The following ANKRD28 variants were observed in gnomAD, a reference collection of about 807,000 sequenced individuals.
ANKRD28 encodes the protein ankyrin repeat domain 28.
A neutral mutation model predicts 126.5 loss-of-function variants in ANKRD28; 44 were observed. The ratio of observed to expected loss-of-function variants is 0.35; its 90% CI spans 0.27 to 0.45. The LOEUF (loss-of-function observed/expected upper bound fraction) is 0.45. ANKRD28 is among the 20% of genes least tolerant of loss of function. The pLI, the probability that ANKRD28 is intolerant of heterozygous loss-of-function variation, is 1.00. For synonymous variants in ANKRD28, 442 were observed against 468.5 expected (o/e 0.94, Z 0.73); for missense variants, 1,110 against 1,316.6 (o/e 0.84, Z 2.43).
chr3:15,755,834 C>T (rs2058125127), intron 3 of ANKRD28, among the ~76,000 whole-genome samples: 1 of 152,148 alleles, frequency 6.6e-6, no homozygotes, highest in African/African-American at 2.4e-5. Context: ...ATTTCCTACT[C>T]ATTAAGACAG....
chr3:15,762,219 CA>C (rs1553624317), intron 3 of ANKRD28, among the ~76,000 whole-genome samples: 36 of 37,888 alleles, frequency 9.5e-4, no homozygotes, highest in Non-Finnish European at 1.7e-3. Context: ...AAAAACAAAA[CA>C]AAAAAAAAAA....
chr3:15,731,479 C>T (rs1253908388), intron 6 of ANKRD28, among the ~76,000 whole-genome samples: 2 of 152,138 alleles, frequency 1.3e-5, no homozygotes, highest in Admixed American at 6.5e-5. Context: ...TGAAAAACTA[C>T]AGGCTGTGAG....
chr3:15,783,383 T>C (rs1191763470), intron 2 of ANKRD28, among the ~76,000 whole-genome samples: 4 of 152,170 alleles, frequency 2.6e-5, no homozygotes, highest in African/African-American at 9.6e-5. Flanking sequence ...GAAATATTTG[T>C]GAGAATGTTG....
chr3:15,858,519 C>G (rs1281739836), intron 1 of ANKRD28, among the ~76,000 whole-genome samples: 3 of 152,172 alleles, frequency 2.0e-5, no homozygotes, highest in Admixed American at 2.0e-4. Flanking sequence ...CCAAAACATC[C>G]AAGTTATTTT....
intron 2 of ANKRD28, among the ~76,000 whole-genome samples, chr3:15,767,043 G>C (rs2058771920): frequency 6.6e-6 from 1 of 152,124 alleles, no homozygotes; most frequent in South Asian, 2.1e-4. Context: ...GCAATTTTAA[G>C]TTTTTTCTTA....
chr3:15,747,614 A>C (rs1219475121), intron 4 of ANKRD28, among the ~76,000 whole-genome samples: 2 of 152,180 alleles, frequency 1.3e-5, no homozygotes, highest in East Asian at 1.9e-4. Context: ...GTGGCCTATC[A>C]TATGGTCTAT....
chr3:15,799,884 A>C (rs558262088), upstream of ANKRD28, among the ~76,000 whole-genome samples: 2 of 152,080 alleles, frequency 1.3e-5, no homozygotes, highest in Non-Finnish European at 2.9e-5. Context: ...CATTGAAATG[A>C]ATTCTGTCGT....
At chr3:15,857,903 C>T (rs2061809386) in intron 1 of ANKRD28, among the ~76,000 whole-genome samples, 1 of 152,210 alleles carries the variant, frequency 6.6e-6, no homozygotes, top group Admixed American at 6.5e-5. Flanking sequence ...ACAATGGAAG[C>T]ACAAAGTGCC....
chr3:15,755,367 C>G (rs985696853), intron 3 of ANKRD28, among the ~76,000 whole-genome samples: 1 of 152,138 alleles, frequency 6.6e-6, no homozygotes, highest in Non-Finnish European at 1.5e-5. Flanking sequence ...GGCTGTGTTC[C>G]TGTAAAATGA....
intron 14 of ANKRD28, among the ~76,000 whole-genome samples, chr3:15,704,485 T>C (rs547672511): frequency 1.2e-4 from 19 of 152,286 alleles, no homozygotes; most frequent in African/African-American, 4.6e-4. Context: ...GAAACTGTGA[T>C]GCTGACAGGG....
intron 1 of ANKRD28, among the ~76,000 whole-genome samples, chr3:15,851,326 G>A (rs1467143526): frequency 1.3e-5 from 2 of 151,920 alleles, no homozygotes; most frequent in African/African-American, 2.4e-5. Context: ...CACATGGCTT[G>A]AACTCGTAAG....
intron 1 of ANKRD28, among the ~76,000 whole-genome samples, chr3:15,857,012 T>C (rs924521079): frequency 6.6e-6 from 1 of 152,242 alleles, no homozygotes; most frequent in African/African-American, 2.4e-5. Context: ...ATCTTCTTCA[T>C]TACTCCAAAC....
intron 4 of ANKRD28, among the ~76,000 whole-genome samples, chr3:15,742,078 G>C (rs1005462050): frequency 1.3e-5 from 2 of 152,144 alleles, no homozygotes; most frequent in African/African-American, 4.8e-5. Flanking sequence ...GCGTGATCTC[G>C]GCTCGCTACA....
rs141463468 is a variant in ANKRD28 at position 15,844,359 on chromosome 3, T to G, written c.27+15018A>C. 5.3e-5 allele frequency among the ~76,000 whole-genome samples: 8 copies of G among 151,960 alleles called. No homozygotes were observed. The East Asian group carries it at 1.4e-3, about 26-fold the overall frequency. ...TGTGGCGAAAGGGAACCAAACAGAT[T>G]AGATGAAGTAGGTTCCAATACAGCA... On this transcript the variant is annotated intron_variant, in intron 1 of 27. Coordinates refer to the ANKRD28 transcript ENST00000399451.
intron 1 of ANKRD28, 87 bp downstream of exon 1, chr3:15,796,318 T>C (rs1329145184): frequency 5.0e-6 from 4 of 801,158 alleles, no homozygotes; most frequent in East Asian, 7.8e-5. Context: ...AAAGAAACTA[T>C]TGGAAATTTA....
At chr3:15,706,314 C>A (rs1385478150) in intron 14 of ANKRD28, among the ~76,000 whole-genome samples, 3 of 151,614 alleles carry the variant, frequency 2.0e-5, no homozygotes, top group Non-Finnish European at 4.4e-5. Context: ...TTGTTCAATT[C>A]TCACCTATGA....
chr3:15,772,756 G>A (rs1249569301), intron 2 of ANKRD28, among the ~76,000 whole-genome samples: 9 of 152,046 alleles, frequency 5.9e-5, no homozygotes, highest in African/African-American at 1.9e-4. Context: ...GCGCGATCTC[G>A]GCTCACTGCA....
At chr3:15,764,774 A>G (rs1363902093) in intron 3 of ANKRD28, among the ~76,000 whole-genome samples, 1 of 152,152 alleles carries the variant, frequency 6.6e-6, no homozygotes, top group Non-Finnish European at 1.5e-5. Flanking sequence ...TCTTGAGTAA[A>G]TTTTAGCTGA....
At chr3:15,751,897 T>C (rs758015764) in intron 3 of ANKRD28, 77 bp from the exon 4 acceptor site, 6 of 958,396 alleles carry the variant, frequency 6.3e-6, no homozygotes, top group Admixed American at 5.7e-5. Context: ...ATAGTAGTTA[T>C]ATATAATCCA....
Sources: gnomAD v4.1 joint callset for allele counts (sites outside exome capture counted in the v4.1 genomes callset) on GRCh38, gnomAD v4.1.1 for gene constraint, MANE v1.5 for transcripts, NCBI Gene and HGNC (gene_info 2026-07-23, HGNC 2026-07-21) for gene names.